TRPC6: variants seen among roughly 807,000 people sequenced by gnomAD.
The protein encoded by TRPC6 is short transient receptor potential channel 6.
Under a neutral mutation model 90.7 loss-of-function variants are expected in TRPC6, and 55 were observed. That is an observed-to-expected ratio of 0.61 (90% CI 0.49 to 0.76). TRPC6 has a LOEUF of 0.76. Among genes scored for constraint, TRPC6 ranks in the 30% least tolerant of loss-of-function variants. The pLI is 0.00. For synonymous variants in TRPC6, 393 were observed against 393.0 expected (o/e 1.00, Z 0.00); for missense variants, 989 against 1,122.7 (o/e 0.88, Z 1.70).
intron 10 of TRPC6, among the ~76,000 whole-genome samples, chr11:101,468,953 A>G (rs552080381): frequency 3.3e-5 from 5 of 152,306 alleles, no homozygotes; most frequent in African/African-American, 1.2e-4. Flanking sequence ...CTCTCAGTGA[A>G]GGAGCTGATA....
At chr11:101,503,958 G>A (rs1364276813) in intron 2 of TRPC6, 66 bp downstream of exon 2, 2 of 1,599,268 alleles carry the variant, frequency 1.3e-6, no homozygotes, top group Non-Finnish European at 1.7e-6. Context: ...AGCACATGGG[G>A]GAAGCTGGTA....
chr11:101,534,041 C>A (rs1860976063), intron 1 of TRPC6, among the ~76,000 whole-genome samples: 1 of 152,186 alleles, frequency 6.6e-6, no homozygotes, highest in Admixed American at 6.5e-5. Flanking sequence ...CAAAATCAGG[C>A]TCTGCCATCA....
At chr11:101,460,208 A>G (rs1231029673) in intron 10 of TRPC6, among the ~76,000 whole-genome samples, 1 of 152,222 alleles carries the variant, frequency 6.6e-6, no homozygotes, top group African/African-American at 2.4e-5. Flanking sequence ...TGTATATTAT[A>G]TGAAGTCAGT....
intron 4 of TRPC6, among the ~76,000 whole-genome samples, chr11:101,483,669 G>A (rs1405326718): frequency 6.6e-6 from 1 of 152,092 alleles, no homozygotes; most frequent in Non-Finnish European, 1.5e-5. Context: ...AAAGTCATGA[G>A]TACCAAGAAG....
At chr11:101,493,007 G>C (rs1859865097) in intron 2 of TRPC6, among the ~76,000 whole-genome samples, 1 of 152,136 alleles carries the variant, frequency 6.6e-6, no homozygotes, top group Non-Finnish European at 1.5e-5. Flanking sequence ...AAATCATGCA[G>C]GTCACATTCA....
intron 1 of TRPC6, among the ~76,000 whole-genome samples, chr11:101,505,819 C>T (rs1434452116): frequency 6.6e-6 from 1 of 152,018 alleles, no homozygotes. Context: ...TCAAGACTAG[C>T]TTGGACAACA....
At chr11:101,557,965 T>C (rs186308437) in intron 1 of TRPC6, among the ~76,000 whole-genome samples, 8 of 152,242 alleles carry the variant, frequency 5.3e-5, no homozygotes, top group Non-Finnish European at 1.2e-4. Context: ...GATTACGTGA[T>C]CTACAGATTC....
Position 101,583,556 on chromosome 11 carries a change from A to G in TRPC6, c.-53T>C. On this transcript the variant is annotated 5_prime_UTR_variant, in exon 1 of 13. Coordinates refer to ENST00000344327, the MANE Select transcript of TRPC6 (RefSeq NM_004621.6). ...CCGCTCCCGGGGGAGCCGAGTGGGC[A>G]GTTCCAGCGGGGACCCGGTGCGGAG... is the stretch of plus-strand genomic sequence containing the variant. 7.1e-7 allele frequency: 1 copy of G among 1,407,020 alleles called. No individual in the cohort carries two copies. The highest frequency in any genetic ancestry group is 9.2e-7 in the Non-Finnish European group (1 of 1,086,040). The allele number at this position is 1,407,020 out of a possible 1,614,324, so 87.2% of individuals were successfully genotyped here.
At chr11:101,539,414 G>A (rs569328460) in intron 1 of TRPC6, among the ~76,000 whole-genome samples, 2 of 152,310 alleles carry the variant, frequency 1.3e-5, no homozygotes, top group East Asian at 1.9e-4. Context: ...GAGCTAACCT[G>A]TTCTCAGTTT....
chr11:101,583,227 C>CA, intron 1 of TRPC6, 107 bp downstream of exon 1: 1 of 1,476,170 alleles, frequency 6.8e-7, no homozygotes, highest in Non-Finnish European at 9.0e-7. Flanking sequence ...CTAGGAGGTA[C>CA]ACACGCGGGT....
At chr11:101,509,560 A>T (rs1447724263) in intron 1 of TRPC6, among the ~76,000 whole-genome samples, 1 of 152,196 alleles carries the variant, frequency 6.6e-6, no homozygotes, top group Non-Finnish European at 1.5e-5. Context: ...AAGATTTTAA[A>T]ATAACAATCT....
intron 1 of TRPC6, among the ~76,000 whole-genome samples, chr11:101,577,664 A>T (rs1407515790): frequency 6.6e-6 from 1 of 152,216 alleles, no homozygotes; most frequent in Non-Finnish European, 1.5e-5. Context: ...GCTCGCTGCC[A>T]GATAGATAAT....
intron 1 of TRPC6, among the ~76,000 whole-genome samples, chr11:101,551,052 A>G (rs1591130142): frequency 1.3e-5 from 2 of 151,902 alleles, no homozygotes; most frequent in Admixed American, 1.3e-4. Context: ...ACGTACGTAC[A>G]TAGGACAAAG....
chr11:101,554,289 G>C (rs982024454), intron 1 of TRPC6, among the ~76,000 whole-genome samples: 1 of 152,106 alleles, frequency 6.6e-6, no homozygotes, highest in Non-Finnish European at 1.5e-5. Flanking sequence ...GAGGCCAGTA[G>C]TAGAGAAGCT....
chr11:101,476,503 C>T lies in TRPC6; in HGVS notation c.1542G>A (p.Trp514Ter). 2 of 1,614,058 alleles carry T rather than the reference C, an allele frequency of 1.2e-6. No individual in the cohort carries two copies. The highest frequency in any genetic ancestry group is 1.7e-6 in the Non-Finnish European group (2 of 1,179,972). The change falls in exon 6 of 13, where the codon TGG becomes TGA. Residue 514 changes from tryptophan to a stop codon, truncating the protein, a stop_gained. Coordinates refer to ENST00000344327, the MANE Select transcript of TRPC6 (RefSeq NM_004621.6). LOFTEE classifies it high-confidence loss of function. ...GMIWAECKEI[W>*]TQGPKEYLFE... ...ACAAATATTCCTTGGGGCCCTGAGTCCAGATTTCTTTACATTCAGCCCATA... is the reference window on the plus strand; with the variant it reads ...ACAAATATTCCTTGGGGCCCTGAGTTCAGATTTCTTTACATTCAGCCCATA...
chr11:101,470,920 GTTC>G (rs1434870102), intron 9 of TRPC6, among the ~76,000 whole-genome samples: 4 of 149,414 alleles, frequency 2.7e-5, no homozygotes, highest in African/African-American at 2.4e-5. Context: ...GCCCAGAATA[GTTC>G]TTCTTTCAGT....
chr11:101,583,433 C>G lies in TRPC6; in HGVS notation c.71G>C (p.Arg24Pro), dbSNP rs1249201938. The G allele has an allele frequency of 6.4e-7, 1 of 1,553,262 alleles. No individual in the cohort carries two copies. The highest frequency in any genetic ancestry group is 1.9e-5 in the Admixed American group (1 of 53,442). The change falls in exon 1 of 13, where the codon CGG becomes CCG. Residue 24 changes from arginine to proline, a missense_variant. Arg to Pro is a moderately radical substitution (Grantham distance 103). Transcript: ENST00000344327. The stretch of plus-strand genomic sequence containing the variant: ...CAGATAGTCCTGGCTCTCGTTGCGC[C>G]GCGCAGCGGCTCCGGCAGCGCCCCG... ...SPRGAAGAAARRNESQDYLLM... is the reference protein window; with the variant it reads ...SPRGAAGAAAPRNESQDYLLM...
chr11:101,492,172 TTATCA>T (rs908809117), intron 2 of TRPC6, among the ~76,000 whole-genome samples: 2 of 152,116 alleles, frequency 1.3e-5, no homozygotes, highest in African/African-American at 4.8e-5. Flanking sequence ...TACTGTTCAT[TTATCA>T]TATATCAATT....
rs960745304 is a variant in TRPC6, at chr11:101,452,605, G to A, written c.*350C>T. On this transcript the variant is annotated 3_prime_UTR_variant, in exon 13 of 13. Coordinates refer to ENST00000344327, the MANE Select transcript of TRPC6 (RefSeq NM_004621.6). ...TGAAATAAACTTCAGAGGAAAAACC[G>A]CATGGGGAGTAACGTGGGTCAGCCC... The A allele has an allele frequency of 2.2e-5, 5 of 232,316 alleles. No individual in the cohort carries two copies. Among genetic ancestry groups the A allele is most frequent in the East Asian group, 2.2e-4 (2 of 9,286 alleles). 14.4% of individuals were successfully genotyped at this position (232,316 alleles called of 1,614,324 possible).
Sources: gnomAD v4.1 joint callset for allele counts (sites outside exome capture counted in the v4.1 genomes callset) on GRCh38, gnomAD v4.1.1 for gene constraint, MANE v1.5 for transcripts, NCBI Gene and HGNC (gene_info 2026-07-23, HGNC 2026-07-21) for gene names.